The following ESRRG variants were observed in gnomAD, a reference collection of about 807,000 sequenced individuals.
ESRRG encodes the protein estrogen related receptor gamma.
ESRRG carries 13 observed loss-of-function variants against 44.0 expected under a neutral mutation model. The observed-to-expected ratio is 0.30, with a 90% confidence interval of 0.19 to 0.47. The LOEUF (loss-of-function observed/expected upper bound fraction) is 0.47, where lower values mean the gene tolerates loss of function less well. Among genes scored for constraint, ESRRG ranks in the 20% least tolerant of loss-of-function variants. ESRRG has a pLI of 1.00. For synonymous variants in ESRRG, 215 were observed against 214.6 expected (o/e 1.00, Z -0.02); for missense variants, 395 against 580.6 (o/e 0.68, Z 3.29).
At chr1:216,875,743 T>A (rs538933509) in intron 2 of ESRRG, among the ~76,000 whole-genome samples, 3 of 152,188 alleles carry the variant, frequency 2.0e-5, no homozygotes, top group Non-Finnish European at 4.4e-5. Flanking sequence ...TTCGTATGTA[T>A]CTTTTGGTGC....
At chr1:216,632,128 A>C (rs2064331394) in intron 3 of ESRRG, among the ~76,000 whole-genome samples, 1 of 152,238 alleles carries the variant, frequency 6.6e-6, no homozygotes, top group African/African-American at 2.4e-5. Flanking sequence ...CTACTATGTC[A>C]TTTAATTCAC....
At chr1:217,083,326 T>C (rs2091890736) in intron 1 of ESRRG, among the ~76,000 whole-genome samples, 1 of 152,270 alleles carries the variant, frequency 6.6e-6, no homozygotes, top group Admixed American at 6.5e-5. Context: ...TGAGCTCATT[T>C]ACTACTCGGT....
chr1:216,807,801 G>C (rs1475268300), intron 2 of ESRRG, among the ~76,000 whole-genome samples: 1 of 152,078 alleles, frequency 6.6e-6, no homozygotes, highest in Non-Finnish European at 1.5e-5. Context: ...GGCTATCTAA[G>C]AAGCCTGGCT....
intron 2 of ESRRG, among the ~76,000 whole-genome samples, chr1:216,673,163 G>T (rs940539841): frequency 1.3e-5 from 2 of 152,114 alleles, no homozygotes; most frequent in Admixed American, 6.5e-5. Context: ...GCATGAGAAT[G>T]AACTCTAAGG....
chr1:216,529,545 C>A (rs965657483), intron 5 of ESRRG, among the ~76,000 whole-genome samples: 1 of 152,020 alleles, frequency 6.6e-6, no homozygotes, highest in Non-Finnish European at 1.5e-5. Context: ...GATAGGCATG[C>A]CTCTAAAACT....
intron 1 of ESRRG, among the ~76,000 whole-genome samples, chr1:217,012,815 A>C (rs532199918): frequency 1.5e-4 from 23 of 152,136 alleles, no homozygotes; most frequent in Non-Finnish European, 2.6e-4. Context: ...TTCTATTCAT[A>C]GTTTGCCCTA....
At chr1:216,645,656 G>A (rs931341344) in intron 3 of ESRRG, among the ~76,000 whole-genome samples, 4 of 151,978 alleles carry the variant, frequency 2.6e-5, no homozygotes, top group Non-Finnish European at 5.9e-5. Flanking sequence ...AGGATCACTT[G>A]GGGCCAGGTG....
chr1:216,956,460 T>C (rs2067976572), intron 1 of ESRRG, among the ~76,000 whole-genome samples: 1 of 152,150 alleles, frequency 6.6e-6, no homozygotes, highest in African/African-American at 2.4e-5. Flanking sequence ...GTTCCATCGG[T>C]CTATGTGTCA....
intron 1 of ESRRG, among the ~76,000 whole-genome samples, chr1:217,133,649 T>C (rs12142581): frequency 6.3e-3 from 212 of 33,600 alleles, no homozygotes; most frequent in African/African-American, 0.015. Flanking sequence ...CTCTCTCTCT[T>C]TCTTTCTTTC....
intron 1 of ESRRG, among the ~76,000 whole-genome samples, chr1:216,970,873 T>C (rs2071497696): frequency 6.6e-6 from 1 of 152,172 alleles, no homozygotes; most frequent in South Asian, 2.1e-4. Flanking sequence ...ATCTGGAACA[T>C]AATACCCTGT....
intron 3 of ESRRG, among the ~76,000 whole-genome samples, chr1:216,596,642 C>T (rs1387527505): frequency 1.3e-5 from 2 of 152,196 alleles, no homozygotes; most frequent in Non-Finnish European, 2.9e-5. Context: ...AATATCAATG[C>T]TCCAAGTATA....
chr1:217,111,133 TC>T (rs2092657344), intron 1 of ESRRG, among the ~76,000 whole-genome samples: 1 of 152,126 alleles, frequency 6.6e-6, no homozygotes, highest in South Asian at 2.1e-4. Flanking sequence ...AGAATACAGG[TC>T]AGACACTGGG....
chr1:216,955,598 G>A lies in ESRRG; in HGVS notation c.-105-15925C>T, dbSNP rs567389179. Among the ~76,000 whole-genome samples, 4 of 151,982 alleles carry A rather than the reference G, an allele frequency of 2.6e-5. No homozygotes were observed. In the South Asian group the frequency reaches 8.3e-4, roughly 32 times the overall value. ...GGATCACACAGTAGTTCTATTTTTA[G>A]GTTTTTTTAAAAAACCCTCCATGCT... is the stretch of plus-strand genomic sequence containing the variant. On this transcript the variant is annotated intron_variant, in intron 1 of 7. Coordinates refer to the ESRRG transcript ENST00000359162.
chr1:216,892,437 A>G (rs2149411434), intron 2 of ESRRG, among the ~76,000 whole-genome samples: 1 of 152,274 alleles, frequency 6.6e-6, no homozygotes, highest in South Asian at 2.1e-4. Flanking sequence ...CAGCGTTTAT[A>G]TACTACCTCT....
intron 3 of ESRRG, among the ~76,000 whole-genome samples, chr1:216,630,446 ACAC>A (rs1231000311): frequency 3.3e-5 from 1 of 30,428 alleles, no homozygotes; most frequent in Non-Finnish European, 7.2e-5. Flanking sequence ...GTGCGTGTGA[ACAC>A]ACACACACAC....
chr1:216,554,704 C>G (rs973058295), intron 5 of ESRRG, among the ~76,000 whole-genome samples: 3 of 152,030 alleles, frequency 2.0e-5, no homozygotes, highest in Non-Finnish European at 4.4e-5. Flanking sequence ...TCAGTTAGTA[C>G]AACTTTCCTG....
At chr1:216,892,033 C>CTGACCTTG (rs1228378042) in intron 2 of ESRRG, among the ~76,000 whole-genome samples, 1 of 152,040 alleles carries the variant, frequency 6.6e-6, no homozygotes, top group Non-Finnish European at 1.5e-5. Context: ...TCTCGAACTC[C>CTGACCTTG]TGACCTTGTG....
chr1:216,742,762 C>G (rs1043602083), intron 2 of ESRRG, among the ~76,000 whole-genome samples: 4 of 152,012 alleles, frequency 2.6e-5, no homozygotes, highest in Non-Finnish European at 4.4e-5. Flanking sequence ...ACCAAATATG[C>G]TTATTTTGTT....
chr1:217,013,169 C>T (rs1579481879), intron 1 of ESRRG, among the ~76,000 whole-genome samples: 1 of 152,352 alleles, frequency 6.6e-6, no homozygotes, highest in African/African-American at 2.4e-5. Flanking sequence ...TTCCTCTGTA[C>T]TGGAGGTTAG....
Sources: gnomAD v4.1 joint callset for allele counts (sites outside exome capture counted in the v4.1 genomes callset) on GRCh38, gnomAD v4.1.1 for gene constraint, MANE v1.5 for transcripts, NCBI Gene and HGNC (gene_info 2026-07-23, HGNC 2026-07-21) for gene names.